Variants in DLGAP1 observed in about 807,000 individuals in gnomAD.
The protein encoded by DLGAP1 is disks large-associated protein 1.
DLGAP1 carries 11 observed loss-of-function variants against 90.8 expected under a neutral mutation model. The ratio of observed to expected loss-of-function variants is 0.12; its 90% CI spans 0.08 to 0.20. The LOEUF (loss-of-function observed/expected upper bound fraction) is 0.20, where lower values mean the gene tolerates loss of function less well. Ranked by LOEUF, DLGAP1 falls within the 10% of genes least tolerant of loss-of-function variation. The pLI is 1.00. For missense variants in DLGAP1, 1,050 were observed against 1,333.8 expected (o/e 0.79, Z 3.31); for synonymous variants, 558 against 540.7 (o/e 1.03, Z -0.44).
intron 1 of DLGAP1, among the ~76,000 whole-genome samples, chr18:4,356,103 G>GCA (rs2081507945): frequency 6.6e-6 from 1 of 151,786 alleles, no homozygotes; most frequent in African/African-American, 2.4e-5. Context: ...AGCAGGAAGT[G>GCA]CACCGTAGTC....
chr18:4,189,809 C>T (rs1033248158), intron 1 of DLGAP1, among the ~76,000 whole-genome samples: 1 of 152,074 alleles, frequency 6.6e-6, no homozygotes, highest in Non-Finnish European at 1.5e-5. Flanking sequence ...CTTACCCACA[C>T]AAATACAATC....
chr18:3,760,124 AG>A (rs1366157252), intron 5 of DLGAP1, among the ~76,000 whole-genome samples: 4 of 152,152 alleles, frequency 2.6e-5, no homozygotes, highest in Admixed American at 2.6e-4. Context: ...ATGTCAGCAC[AG>A]GGTCCGACAT....
At chr18:3,895,325 T>C (rs2071594871) in intron 3 of DLGAP1, among the ~76,000 whole-genome samples, 1 of 134,156 alleles carries the variant, frequency 7.5e-6, no homozygotes, top group South Asian at 2.5e-4. Flanking sequence ...ACACACATCA[T>C]CATCATCATC....
At chr18:4,293,888 T>C (rs1178734858) in intron 1 of DLGAP1, 1 of 152,248 alleles carries the variant, frequency 6.6e-6, no homozygotes, top group Non-Finnish European at 1.5e-5. Flanking sequence ...ATTTTTACTT[T>C]ATTTCTTTAA....
chr18:3,668,528 C>T (rs576082656), intron 7 of DLGAP1, among the ~76,000 whole-genome samples: 70 of 152,070 alleles, frequency 4.6e-4, no homozygotes, highest in African/African-American at 1.6e-3. Flanking sequence ...ACTGTGTTGC[C>T]CAGGCTGGGG....
At chr18:4,277,447 T>A (rs1240199423) in intron 1 of DLGAP1, among the ~76,000 whole-genome samples, 6 of 152,210 alleles carry the variant, frequency 3.9e-5, no homozygotes, top group South Asian at 2.1e-4. Context: ...CCAAGGCTTG[T>A]TAGCATTCTG....
intron 1 of DLGAP1, among the ~76,000 whole-genome samples, chr18:4,322,997 C>T (rs574240477): frequency 1.2e-4 from 17 of 136,628 alleles, no homozygotes; most frequent in East Asian, 4.2e-4. Flanking sequence ...GAGAAGGAAA[C>T]GAGAGACTGC....
At chr18:4,269,495 A>G (rs1041253252) in intron 1 of DLGAP1, among the ~76,000 whole-genome samples, 1 of 151,784 alleles carries the variant, frequency 6.6e-6, no homozygotes, top group Admixed American at 6.6e-5. Flanking sequence ...CTGGGACTAC[A>G]GGAGCCCACC....
chr18:3,673,554 A>T (rs779099847), intron 7 of DLGAP1, among the ~76,000 whole-genome samples: 1 of 152,116 alleles, frequency 6.6e-6, no homozygotes, highest in African/African-American at 2.4e-5. Context: ...GGATGATTGC[A>T]ACTCTTTTTT....
intron 10 of DLGAP1, among the ~76,000 whole-genome samples, chr18:3,529,232 G>C (rs1025044385): frequency 5.9e-5 from 9 of 152,236 alleles, no homozygotes; most frequent in African/African-American, 1.9e-4. Context: ...GGGTTACTAC[G>C]CTTATCAAGG....
chr18:3,521,360 A>G (rs2051175421), intron 10 of DLGAP1, among the ~76,000 whole-genome samples: 1 of 152,070 alleles, frequency 6.6e-6, no homozygotes, highest in Non-Finnish European at 1.5e-5. Flanking sequence ...CCTGCTCCAT[A>G]TGATAAGCCC....
chr18:3,500,700 CAA>C (rs1457823502), intron 12 of DLGAP1, among the ~76,000 whole-genome samples: 4 of 152,068 alleles, frequency 2.6e-5, no homozygotes, highest in African/African-American at 7.2e-5. Context: ...TGATCACAGG[CAA>C]AGTCCATTAA....
chr18:4,136,058 A>C (rs777209695), intron 2 of DLGAP1, among the ~76,000 whole-genome samples: 4 of 148,584 alleles, frequency 2.7e-5, no homozygotes, highest in Non-Finnish European at 5.9e-5. Context: ...GATGTTCCCC[A>C]TCCTGTGTCG....
chr18:4,356,877 T>G (rs2081527611), intron 1 of DLGAP1, among the ~76,000 whole-genome samples: 1 of 152,136 alleles, frequency 6.6e-6, no homozygotes, highest in African/African-American at 2.4e-5. Context: ...GCCCCCTTGG[T>G]CTTTCTAGGA....
chr18:3,500,672 T>C (rs9303930), intron 12 of DLGAP1, among the ~76,000 whole-genome samples: 6,511 of 152,200 alleles, frequency 0.043, 380 homozygotes, highest in African/African-American at 0.13. Context: ...CTCAGGTTCA[T>C]GGGGTGATGA....
rs1363382797 is a variant in DLGAP1 at position 3,598,747 on chromosome 18, C to T, written c.1592-16499G>A. Among the ~76,000 whole-genome samples, 3 of 151,844 alleles carry T rather than the reference C, an allele frequency of 2.0e-5. 1 individual carries two copies. The highest frequency in any genetic ancestry group is 1.3e-4 in the Admixed American group (2 of 15,248). On this transcript the variant is annotated intron_variant, in intron 7 of 12. Coordinates refer to ENST00000315677, the MANE Select transcript of DLGAP1 (RefSeq NM_004746.4). ...CCTCCCAAAGTGCTGGGATTAAGGG[C>T]GTGAGCCACCGCGCCCGGTCCCCTC...
intron 3 of DLGAP1, among the ~76,000 whole-genome samples, chr18:3,931,181 G>A (rs760820296): frequency 6.6e-6 from 1 of 152,138 alleles, no homozygotes; most frequent in Non-Finnish European, 1.5e-5. Flanking sequence ...TCAGCTTCTC[G>A]CCGGCATCTC....
chr18:4,181,936 T>C (rs1383032368), intron 1 of DLGAP1, among the ~76,000 whole-genome samples: 1 of 152,140 alleles, frequency 6.6e-6, no homozygotes, highest in African/African-American at 2.4e-5. Flanking sequence ...TTCCAATCTG[T>C]AGCACTAAGT....
chr18:3,704,945 A>G (rs1186793673), intron 7 of DLGAP1, among the ~76,000 whole-genome samples: 1 of 152,226 alleles, frequency 6.6e-6, no homozygotes, highest in Non-Finnish European at 1.5e-5. Flanking sequence ...GAGACAAGAC[A>G]TGAATACATG....
Sources: allele counts gnomAD v4.1 joint callset (sites outside exome capture counted in the v4.1 genomes callset), GRCh38; gene constraint gnomAD v4.1.1; transcripts MANE v1.5; gene names NCBI Gene and HGNC (gene_info 2026-07-23, HGNC 2026-07-21).